ARB2A: variants seen among roughly 807,000 people sequenced by gnomAD.
ARB2A encodes ARB2 cotranscriptional regulator A.
the ARB2A span, among the ~76,000 whole-genome samples, chr5:93,856,248 T>C: frequency 0.91 from 138,729 of 152,102 alleles, 63,619 homozygotes; most frequent in East Asian, 1. Context: ...GTGAATCTGA[T>C]AATTATGTGT....
chr5:93,931,332 T>C, the ARB2A span, among the ~76,000 whole-genome samples: 1 of 151,980 alleles, frequency 6.6e-6, no homozygotes, highest in African/African-American at 2.4e-5. Flanking sequence ...AGCATGGTGG[T>C]GCATGCCTGT....
chr5:93,946,508 T>C, the ARB2A span, among the ~76,000 whole-genome samples: 1 of 152,182 alleles, frequency 6.6e-6, no homozygotes, highest in African/African-American at 2.4e-5. Context: ...AATCATATTA[T>C]CTACCTGGCT....
At chr5:93,764,678 CT>C in the ARB2A span, among the ~76,000 whole-genome samples, 1 of 152,160 alleles carries the variant, frequency 6.6e-6, no homozygotes, top group African/African-American at 2.4e-5. Context: ...AGAGGGAATC[CT>C]CCCTAACTCA....
the ARB2A span, among the ~76,000 whole-genome samples, chr5:93,936,407 T>C: frequency 2.6e-5 from 4 of 152,152 alleles, no homozygotes; most frequent in African/African-American, 9.7e-5. Context: ...CTTTGGATTC[T>C]TATAATCCAA....
the ARB2A span, among the ~76,000 whole-genome samples, chr5:93,686,038 C>G: frequency 6.6e-6 from 1 of 152,154 alleles, no homozygotes; most frequent in African/African-American, 2.4e-5. Context: ...CAGCTAAGTG[C>G]TTTACATATA....
the ARB2A span, among the ~76,000 whole-genome samples, chr5:93,922,420 G>T: frequency 6.6e-6 from 1 of 151,638 alleles, no homozygotes. Flanking sequence ...TATAATCCTA[G>T]CACTTTGGGA....
the ARB2A span, among the ~76,000 whole-genome samples, chr5:93,882,954 CAA>C: frequency 4.0e-5 from 6 of 151,316 alleles, no homozygotes; most frequent in South Asian, 1.2e-3. Flanking sequence ...AATTTTTTGC[CAA>C]ACCAACCATA....
chr5:94,048,758 G>A, the ARB2A span, among the ~76,000 whole-genome samples: 3 of 152,264 alleles, frequency 2.0e-5, no homozygotes, highest in East Asian at 3.9e-4. Context: ...TGGGGGAAGG[G>A]AGGAGCATTA....
At chr5:93,890,462 C>T in the ARB2A span, among the ~76,000 whole-genome samples, 1 of 151,866 alleles carries the variant, frequency 6.6e-6, no homozygotes, top group Admixed American at 6.6e-5. Context: ...ACAATTTTGA[C>T]ATGTGGTCTT....
At chr5:93,906,878 G>C in the ARB2A span, among the ~76,000 whole-genome samples, 1 of 151,452 alleles carries the variant, frequency 6.6e-6, no homozygotes, top group African/African-American at 2.4e-5. Context: ...GACCTGTGAA[G>C]TGCTCTACCT....
the ARB2A span, among the ~76,000 whole-genome samples, chr5:94,064,101 G>GA: frequency 6.6e-6 from 1 of 151,954 alleles, no homozygotes; most frequent in African/African-American, 2.4e-5. Context: ...AAAGAAATCA[G>GA]AAAAACAACT....
At chr5:93,701,831 A>G in the ARB2A span, among the ~76,000 whole-genome samples, 2 of 152,192 alleles carry the variant, frequency 1.3e-5, no homozygotes. Context: ...GGCTTAAAGC[A>G]TATCACATGG....
At chr5:93,897,593 G>T in the ARB2A span, among the ~76,000 whole-genome samples, 1 of 151,858 alleles carries the variant, frequency 6.6e-6, no homozygotes, top group Non-Finnish European at 1.5e-5. Context: ...AAAATCCATT[G>T]TAAGGATGGC....
chr5:93,714,529 G>C, the ARB2A span, among the ~76,000 whole-genome samples: 32 of 152,122 alleles, frequency 2.1e-4, no homozygotes, highest in Admixed American at 2.0e-3. Flanking sequence ...TTACTTATTA[G>C]AAAGTGATCT....
chr5:93,987,025 A>G, the ARB2A span, among the ~76,000 whole-genome samples: 4 of 152,000 alleles, frequency 2.6e-5, no homozygotes, highest in African/African-American at 4.8e-5. Context: ...TACTAAAAAA[A>G]TTTAAAAAAA....
At chr5:93,717,113 T>A in the ARB2A span, among the ~76,000 whole-genome samples, 1 of 152,210 alleles carries the variant, frequency 6.6e-6, no homozygotes, top group Non-Finnish European at 1.5e-5. Context: ...TCTCTTTTCA[T>A]ATGTGAAATA....
At chr5:94,042,464 C>A in the ARB2A span, among the ~76,000 whole-genome samples, 2 of 151,926 alleles carry the variant, frequency 1.3e-5, no homozygotes, top group African/African-American at 4.8e-5. Context: ...CGCCACCACG[C>A]CTGGCTAATT....
chr5:93,692,800 A>G, the ARB2A span, among the ~76,000 whole-genome samples: 1 of 152,202 alleles, frequency 6.6e-6, no homozygotes, highest in South Asian at 2.1e-4. Flanking sequence ...ATATAATTGG[A>G]AGTAAAACAC....
At chr5:93,908,108 C>A in the ARB2A span, among the ~76,000 whole-genome samples, 1 of 150,876 alleles carries the variant, frequency 6.6e-6, no homozygotes, top group Non-Finnish European at 1.5e-5. Context: ...TCTAAAAGAA[C>A]CCTATGCATA....
Sources: gnomAD v4.1 joint callset for allele counts (sites outside exome capture counted in the v4.1 genomes callset) on GRCh38, gnomAD v4.1.1 for gene constraint, MANE v1.5 for transcripts, NCBI Gene and HGNC (gene_info 2026-07-23, HGNC 2026-07-21) for gene names.